Variants in TAGLN3 observed in about 807,000 individuals in gnomAD.
The protein encoded by TAGLN3 is transgelin 3.
Under a neutral mutation model 25.4 loss-of-function variants are expected in TAGLN3, and 12 were observed. The ratio of observed to expected loss-of-function variants is 0.47; its 90% confidence interval spans 0.30 to 0.77. The LOEUF (loss-of-function observed/expected upper bound fraction) is 0.77, where lower values mean the gene tolerates loss of function less well. Ranked by LOEUF, TAGLN3 falls within the 30% of genes least tolerant of loss-of-function variation. The probability of loss-of-function intolerance (pLI) is 0.06; values close to 1 mark genes in which losing one functional copy is unlikely to be tolerated. For synonymous variants in TAGLN3, 96 were observed against 94.8 expected, an observed-to-expected ratio of 1.01 and a Z score of -0.08; for missense variants, 218 against 255.8, an observed-to-expected ratio of 0.85 and a Z score of 1.01.
At chr3:112,003,238 G>A (rs2072880957) in intron 3 of TAGLN3, among the ~76,000 whole-genome samples, 1 of 152,146 alleles carries the variant, frequency 6.6e-6, no homozygotes, top group South Asian at 2.1e-4. Flanking sequence ...CAAAGTCCAG[G>A]GAGATTCATT....
At chr3:112,003,772 C>G (rs1018704334) in intron 3 of TAGLN3, among the ~76,000 whole-genome samples, 1 of 152,156 alleles carries the variant, frequency 6.6e-6, no homozygotes, top group Non-Finnish European at 1.5e-5. Context: ...CCCAACCTCT[C>G]ACTCTCCCAT....
intron 1 of TAGLN3, 70 bp from the exon 2 acceptor site, chr3:111,999,350 GT>G: frequency 6.5e-7 from 1 of 1,549,026 alleles, no homozygotes; most frequent in Non-Finnish European, 8.8e-7. Flanking sequence ...TCCCAGCCCC[GT>G]CTGCAGGGAG....
At chr3:112,010,777 T>G (rs1010963337) in intron 3 of TAGLN3, among the ~76,000 whole-genome samples, 1 of 152,132 alleles carries the variant, frequency 6.6e-6, no homozygotes, top group African/African-American at 2.4e-5. Context: ...GCTTTCTGTC[T>G]CTCCTCTTCG....
intron 3 of TAGLN3, among the ~76,000 whole-genome samples, chr3:112,003,761 G>A (rs1285623104): frequency 6.6e-6 from 1 of 151,978 alleles, no homozygotes; most frequent in Non-Finnish European, 1.5e-5. Context: ...AGTATTTCAT[G>A]CCCAACCTCT....
At chr3:112,003,523 C>G (rs1321329601) in intron 3 of TAGLN3, among the ~76,000 whole-genome samples, 1 of 152,148 alleles carries the variant, frequency 6.6e-6, no homozygotes, top group African/African-American at 2.4e-5. Context: ...TGTTATGTGT[C>G]TATGTGCATG....
At chr3:112,007,021 C>T (rs1050828537) in intron 3 of TAGLN3, among the ~76,000 whole-genome samples, 1 of 152,196 alleles carries the variant, frequency 6.6e-6, no homozygotes, top group African/African-American at 2.4e-5. Flanking sequence ...CTAGGTGAGA[C>T]TCTTGCTGAA....
chr3:112,007,752 G>A (rs2072933123), intron 3 of TAGLN3, among the ~76,000 whole-genome samples: 1 of 152,216 alleles, frequency 6.6e-6, no homozygotes, highest in African/African-American at 2.4e-5. Context: ...TTCCAACTTG[G>A]AACAGAGCTT....
chr3:112,012,344 T>C (rs921790130), intron 4 of TAGLN3, among the ~76,000 whole-genome samples: 7 of 150,244 alleles, frequency 4.7e-5, no homozygotes, highest in African/African-American at 1.7e-4. Flanking sequence ...AGGGTAAATA[T>C]GTCATGTTTG....
In TAGLN3 at chr3:111,999,525, A is replaced by G; in HGVS notation, c.103A>G (p.Ile35Val). 6.2e-7 allele frequency: 1 copy of G among 1,614,210 alleles called. No homozygotes were observed. The change falls in exon 2 of 5, where the codon ATC becomes GTC. Residue 35 changes from isoleucine (I) to valine (V), a missense_variant. Transcript: ENST00000478951. Reference sequence around the variant, plus strand: ...GGAGAACAAGCTGGTGGACTGGATCATCCTGCAGTGCGCCGAGGACATAGA... The same window carrying G: ...GGAGAACAAGCTGGTGGACTGGATCGTCCTGCAGTGCGCCGAGGACATAGA... Reference protein sequence around the residue: ...DLENKLVDWIILQCAEDIEHP... With the variant: ...DLENKLVDWIVLQCAEDIEHP...
At position 112,000,798 on chromosome 3, in the gene TAGLN3, A is replaced by G; in HGVS notation, c.207A>G (p.Leu69=). The change falls in exon 3 of 5, where the codon TTA becomes TTG. Residue 69 remains leucine (L), a synonymous_variant. Transcript: ENST00000478951. ...GTVLCKLINS[L]YPPGQEPIPK... ...TCCTGTGCAAGCTGATAAATAGTTTATACCCACCAGGACAAGAGCCCATAC... is the reference window on the plus strand; with the variant it reads ...TCCTGTGCAAGCTGATAAATAGTTTGTACCCACCAGGACAAGAGCCCATAC... 4 of 1,614,186 alleles carry G rather than the reference A, an allele frequency of 2.5e-6. No individual in the cohort carries two copies. Among genetic ancestry groups the G allele is most frequent in the Non-Finnish European group, 3.4e-6 (4 of 1,180,028 alleles).
At chr3:112,003,184 C>T (rs1370131836) in intron 3 of TAGLN3, among the ~76,000 whole-genome samples, 1 of 152,146 alleles carries the variant, frequency 6.6e-6, no homozygotes, top group African/African-American at 2.4e-5. Flanking sequence ...TTCCAAATGG[C>T]CCCAAGAGGC....
chr3:112,003,482 CA>C (rs780706003), intron 3 of TAGLN3, among the ~76,000 whole-genome samples: 2 of 152,104 alleles, frequency 1.3e-5, no homozygotes, highest in African/African-American at 2.4e-5. Flanking sequence ...AAGCTGAAAT[CA>C]AAGGAATGCT....
At chr3:112,006,972 A>C (rs1576079572) in intron 3 of TAGLN3, among the ~76,000 whole-genome samples, 1 of 152,332 alleles carries the variant, frequency 6.6e-6, no homozygotes, top group East Asian at 1.9e-4. Context: ...CAATGTAGGA[A>C]ATAGGGAGCT....
chr3:112,004,050 A>G (rs188361925), intron 3 of TAGLN3, among the ~76,000 whole-genome samples: 49 of 152,360 alleles, frequency 3.2e-4, no homozygotes, highest in Non-Finnish European at 6.0e-4. Flanking sequence ...CCAAAGCTAA[A>G]TGGTCCAGAA....
chr3:112,012,506 G>A (rs536628961), intron 4 of TAGLN3, among the ~76,000 whole-genome samples: 1 of 151,288 alleles, frequency 6.6e-6, no homozygotes, highest in East Asian at 1.9e-4. Flanking sequence ...TTTTTCAGGG[G>A]GTAGGGTAGG....
In TAGLN3 at chr3:111,999,619, T is replaced by C; in HGVS notation, c.180+17T>C. The C allele has an allele frequency of 6.2e-7, 1 of 1,609,322 alleles. No individual in the cohort carries two copies. Among genetic ancestry groups the C allele is most frequent in the Non-Finnish European group, 8.5e-7 (1 of 1,176,572 alleles). Reference sequence around the variant, plus strand: ...GACGGGACGGTAAGGCCGGCAGCGATCTCGGTTGCTGGGGCGGTGGGCAGG... The same window carrying C: ...GACGGGACGGTAAGGCCGGCAGCGACCTCGGTTGCTGGGGCGGTGGGCAGG... On this transcript the variant is annotated intron_variant, in intron 2 of 4. Transcript: ENST00000478951.
At chr3:112,008,692 G>T (rs543110435) in intron 3 of TAGLN3, among the ~76,000 whole-genome samples, 1 of 152,110 alleles carries the variant, frequency 6.6e-6, no homozygotes, top group Non-Finnish European at 1.5e-5. Flanking sequence ...TTCCCATCTT[G>T]TCAGTCCAAG....
At chr3:112,004,241 A>T (rs943039820) in intron 3 of TAGLN3, among the ~76,000 whole-genome samples, 3 of 152,154 alleles carry the variant, frequency 2.0e-5, no homozygotes, top group Non-Finnish European at 4.4e-5. Flanking sequence ...TTACTTTTGG[A>T]TTTGCCATGG....
At chr3:111,999,158 AG>A (rs1281628457) in intron 1 of TAGLN3, 44 bp downstream of exon 1, 3 of 365,650 alleles carry the variant, frequency 8.2e-6, no homozygotes, top group Admixed American at 8.0e-5. Flanking sequence ...TAGGCGGGAT[AG>A]GGAGGGGGAT....
Sources: gnomAD v4.1 joint callset for allele counts (sites outside exome capture counted in the v4.1 genomes callset) on GRCh38, gnomAD v4.1.1 for gene constraint, MANE v1.5 for transcripts, NCBI Gene and HGNC (gene_info 2026-07-23, HGNC 2026-07-21) for gene names.